The following TSNARE1 variants were observed in gnomAD, a reference collection of about 807,000 sequenced individuals.
TSNARE1 encodes the protein t-SNARE domain-containing protein 1.
TSNARE1 carries 49 observed loss-of-function variants against 62.0 expected under a neutral mutation model. The observed-to-expected ratio is 0.79, with a 90% CI of 0.63 to 1.00. TSNARE1 has a LOEUF of 1.00. Among genes scored for constraint, TSNARE1 ranks in the 50% least tolerant of loss-of-function variants. The pLI is 0.00. For missense variants in TSNARE1, 755 were observed against 700.1 expected (o/e 1.08, Z -0.88); for synonymous variants, 328 against 294.4 (o/e 1.11, Z -1.17).
intron 12 of TSNARE1, among the ~76,000 whole-genome samples, chr8:142,260,472 G>A (rs58552422): frequency 0.017 from 2,513 of 152,254 alleles, 76 homozygotes; most frequent in African/African-American, 0.058. Flanking sequence ...TAAACTGGCC[G>A]GGGCCCACGG....
intron 6 of TSNARE1, among the ~76,000 whole-genome samples, chr8:142,325,014 G>A (rs970838117): frequency 2.0e-5 from 3 of 152,232 alleles, no homozygotes; most frequent in Non-Finnish European, 4.4e-5. Flanking sequence ...CCCCAGGAGT[G>A]ACTCCATGTA....
Position 142,223,175 on chromosome 8 carries a change from T to TTC in TSNARE1, c.*11+6297_*11+6298insGA, listed in dbSNP as rs879809176. On this transcript the variant is annotated intron_variant, in intron 13 of 13. Coordinates refer to ENST00000524325, the MANE Select transcript of TSNARE1 (RefSeq NM_145003.5). ...TCACTCATTCACTCACTCACTCAAG[T>TTC]ATTCACTCATTCACTCGTTCACTCA... Among the ~76,000 whole-genome samples the TTC allele has an allele frequency of 7.7e-4, 26 of 33,550 alleles. 7 individuals are homozygous for TTC. The highest frequency in any genetic ancestry group is 3.7e-3 in the African/African-American group (23 of 6,140). 22.0% of individuals were successfully genotyped at this position (33,550 alleles called of 152,430 possible).
intron 12 of TSNARE1, among the ~76,000 whole-genome samples, chr8:142,246,686 C>T (rs1343818359): frequency 6.6e-6 from 1 of 152,138 alleles, no homozygotes; most frequent in Non-Finnish European, 1.5e-5. Context: ...GCTGGCAGAA[C>T]GGAGGGATGA....
Position 142,319,066 on chromosome 8 carries a change from C to T in TSNARE1, c.894-432G>A, listed in dbSNP as rs368715872. 8.6e-5 allele frequency among the ~76,000 whole-genome samples: 13 copies of T among 151,874 alleles called. No homozygotes were observed. The highest frequency in any genetic ancestry group is 2.9e-4 in the African/African-American group (12 of 41,346). On this transcript the variant is annotated intron_variant, in intron 6 of 13. Coordinates refer to ENST00000524325, the MANE Select transcript of TSNARE1 (RefSeq NM_145003.5). This position sits in a 1 kb window ranked among gnomAD's most constrained non-coding sequence, Gnocchi z 4.9. ...CAGAAAGGCAGGCAGAGAGAGACGG[C>T]GCAGGTAAGCTCTGGCTGGGGTGGG...
intron 12 of TSNARE1, among the ~76,000 whole-genome samples, chr8:142,236,629 CAA>C (rs1346432064): frequency 6.6e-6 from 1 of 152,054 alleles, no homozygotes. Context: ...CAGAAATCCC[CAA>C]AGACACCAGG....
chr8:142,301,411 G>A (rs1418032051), intron 9 of TSNARE1, among the ~76,000 whole-genome samples: 1 of 117,142 alleles, frequency 8.5e-6, no homozygotes, highest in Non-Finnish European at 1.8e-5. Context: ...CCCGGCCACA[G>A]TGCCCCCCAC....
chr8:142,322,595 A>T (rs1316628432), intron 6 of TSNARE1, among the ~76,000 whole-genome samples: 1 of 152,256 alleles, frequency 6.6e-6, no homozygotes, highest in African/African-American at 2.4e-5. Flanking sequence ...AAGTACACAG[A>T]AGTCTCTTAT....
At chr8:142,274,710 CGGAG>C in intron 12 of TSNARE1, 67 bp downstream of exon 12, 1 of 1,417,282 alleles carries the variant, frequency 7.1e-7, no homozygotes, top group Non-Finnish European at 9.2e-7. Context: ...TCCAGACAGA[CGGAG>C]GGAGGGTTGG....
At chr8:142,242,036 G>A (rs1431207817) in intron 12 of TSNARE1, among the ~76,000 whole-genome samples, 2 of 149,976 alleles carry the variant, frequency 1.3e-5, no homozygotes, top group Admixed American at 1.3e-4. Context: ...ATGGAAGACC[G>A]ACATGTGAGA....
At chr8:142,318,751 A>G in intron 6 of TSNARE1, 117 bp from the exon 7 acceptor site, 1 of 866,480 alleles carries the variant, frequency 1.2e-6, no homozygotes, top group Non-Finnish European at 1.9e-6. Flanking sequence ...ACAGAGACAG[A>G]TGGATGGACA....
At chr8:142,332,553 G>A (rs1358554425) in intron 4 of TSNARE1, among the ~76,000 whole-genome samples, 1 of 152,202 alleles carries the variant, frequency 6.6e-6, no homozygotes, top group Non-Finnish European at 1.5e-5. Flanking sequence ...TGAATTCTGA[G>A]TGACTAAGTT....
chr8:142,353,453 G>C (rs1487395960), intron 2 of TSNARE1, among the ~76,000 whole-genome samples: 1 of 152,208 alleles, frequency 6.6e-6, no homozygotes, highest in Non-Finnish European at 1.5e-5. Flanking sequence ...GGGCATCCTA[G>C]AGGACCTGGC....
At chr8:142,284,758 C>G (rs1351232243) in intron 10 of TSNARE1, among the ~76,000 whole-genome samples, 1 of 152,206 alleles carries the variant, frequency 6.6e-6, no homozygotes, top group Non-Finnish European at 1.5e-5. Context: ...GAAGCCAAAC[C>G]CCAACCTCTC....
intron 2 of TSNARE1, among the ~76,000 whole-genome samples, chr8:142,353,328 A>ACAGCAG (rs1310795758): frequency 1.3e-5 from 2 of 152,164 alleles, no homozygotes; most frequent in East Asian, 3.9e-4. Flanking sequence ...CCTCCTGCCC[A>ACAGCAG]ACTCCTGGCA....
At chr8:142,273,131 A>G in intron 12 of TSNARE1, 3 of 985,336 alleles carry the variant, frequency 3.0e-6, no homozygotes, top group Non-Finnish European at 3.6e-6. Context: ...GGAATGCGGC[A>G]CGGCGTCCAT....
intron 1 of TSNARE1, among the ~76,000 whole-genome samples, chr8:142,358,129 G>A (rs1563982322): frequency 1.2e-5 from 1 of 83,578 alleles, no homozygotes; most frequent in Non-Finnish European, 2.1e-5. Context: ...CACTGCAAAG[G>A]GCGGCAGGGT....
At chr8:142,300,723 TG>T in intron 9 of TSNARE1, 79 bp from the exon 10 acceptor site, 2 of 1,495,262 alleles carry the variant, frequency 1.3e-6, no homozygotes, top group South Asian at 2.5e-5. Flanking sequence ...TTCAACAAAA[TG>T]GTGCTTTTCC....
At chr8:142,244,849 C>G (rs2130224996) in intron 12 of TSNARE1, among the ~76,000 whole-genome samples, 1 of 152,358 alleles carries the variant, frequency 6.6e-6, no homozygotes, top group East Asian at 1.9e-4. Flanking sequence ...GGCAGACCGG[C>G]AAGGGGCCTT....
intron 12 of TSNARE1, chr8:142,273,346 G>A (rs1201175751): frequency 2.0e-6 from 2 of 985,314 alleles, no homozygotes; most frequent in African/African-American, 3.5e-5. Flanking sequence ...GTGGCCCTGA[G>A]TTTCCAGCGA....
Sources: gnomAD v4.1 joint callset for allele counts (sites outside exome capture counted in the v4.1 genomes callset) on GRCh38, gnomAD v4.1.1 for gene constraint, Gnocchi (gnomAD v3.1) non-coding constraint, MANE v1.5 for transcripts, NCBI Gene and HGNC (gene_info 2026-07-23, HGNC 2026-07-21) for gene names.